The following TMTC2 variants were observed in gnomAD, a reference collection of about 807,000 sequenced individuals.
The protein encoded by TMTC2 is protein O-mannosyl-transferase TMTC2.
TMTC2 carries 43 observed loss-of-function variants against 82.4 expected under a neutral mutation model. The ratio of observed to expected loss-of-function variants is 0.52; its 90% CI spans 0.41 to 0.67. The LOEUF is 0.67. Among genes scored for constraint, TMTC2 ranks in the 30% least tolerant of loss-of-function variants. The pLI is 0.00. For synonymous variants in TMTC2, 408 were observed against 381.9 expected, an observed-to-expected ratio of 1.07 and a Z score of -0.80; for missense variants, 919 against 1,012.4, an observed-to-expected ratio of 0.91 and a Z score of 1.25.
At chr12:82,907,164 C>T (rs1874361023) in intron 3 of TMTC2, among the ~76,000 whole-genome samples, 2 of 151,880 alleles carry the variant, frequency 1.3e-5, no homozygotes, top group Non-Finnish European at 1.5e-5. Context: ...AGTTCAGACG[C>T]CTTTAAGAAT....
chr12:82,984,733 T>A (rs1198601550), intron 7 of TMTC2, among the ~76,000 whole-genome samples: 1 of 152,134 alleles, frequency 6.6e-6, no homozygotes, highest in African/African-American at 2.4e-5. Context: ...ATATAAATTA[T>A]CTTAAATACA....
At chr12:83,063,006 A>G (rs1053311285) in intron 11 of TMTC2, among the ~76,000 whole-genome samples, 7 of 151,884 alleles carry the variant, frequency 4.6e-5, no homozygotes, top group African/African-American at 1.7e-4. Context: ...GAGATTAACA[A>G]TAGAAAAGCA....
chr12:82,905,741 T>TC (rs1156736457), intron 3 of TMTC2, among the ~76,000 whole-genome samples: 1 of 152,072 alleles, frequency 6.6e-6, no homozygotes, highest in Non-Finnish European at 1.5e-5. Flanking sequence ...GGTCAGGAGT[T>TC]CAAGACCATT....
At chr12:82,843,537 G>A (rs1206239744) in intron 1 of TMTC2, among the ~76,000 whole-genome samples, 2 of 152,188 alleles carry the variant, frequency 1.3e-5, no homozygotes, top group Admixed American at 6.5e-5. Flanking sequence ...TACCTGTGAG[G>A]GATAGATTGG....
At chr12:82,690,956 T>C (rs987894350) in intron 1 of TMTC2, among the ~76,000 whole-genome samples, 1 of 152,178 alleles carries the variant, frequency 6.6e-6, no homozygotes, top group Non-Finnish European at 1.5e-5. Context: ...TTAATAATAC[T>C]GTTATGAGTT....
intron 11 of TMTC2, among the ~76,000 whole-genome samples, chr12:83,104,469 C>T (rs886695026): frequency 2.1e-4 from 32 of 152,228 alleles, no homozygotes; most frequent in African/African-American, 7.5e-4. Flanking sequence ...CTGAACTCTG[C>T]TTCCCTGCAG....
chr12:82,792,600 G>A (rs1315686194), intron 1 of TMTC2, among the ~76,000 whole-genome samples: 1 of 151,984 alleles, frequency 6.6e-6, no homozygotes, highest in Non-Finnish European at 1.5e-5. Context: ...CTGAGTAGCT[G>A]GGACAACAGA....
intron 8 of TMTC2, among the ~76,000 whole-genome samples, chr12:82,987,916 C>G (rs901478129): frequency 7.2e-5 from 11 of 152,082 alleles, no homozygotes; most frequent in African/African-American, 2.7e-4. Flanking sequence ...CCTGTCCTTT[C>G]TTTACCAAGC....
chr12:83,073,434 A>T (rs564785165), intron 11 of TMTC2, among the ~76,000 whole-genome samples: 105 of 152,280 alleles, frequency 6.9e-4, no homozygotes, highest in African/African-American at 2.5e-3. Flanking sequence ...TTAACTTTGG[A>T]TAACCTGATG....
rs1356207642 is a variant in TMTC2 at position 83,108,898 on chromosome 12, GA to G, written c.2332-23309del. ...AGTTTATTCTTATTAATATGTTAAT[GA>G]AATTGTATTATTTTCTTCCTTGGTA... is the stretch of plus-strand genomic sequence containing the variant. On this transcript the variant is annotated intron_variant, in intron 11 of 11. Coordinates refer to ENST00000321196, the MANE Select transcript of TMTC2 (RefSeq NM_152588.3). Among the ~76,000 whole-genome samples the G allele has an allele frequency of 1.4e-4, 22 of 152,182 alleles. No homozygotes were observed. The East Asian group carries it at 3.9e-3, about 27-fold the overall frequency.
intron 7 of TMTC2, among the ~76,000 whole-genome samples, chr12:82,969,512 C>A: frequency 6.6e-6 from 1 of 152,156 alleles, no homozygotes; most frequent in Non-Finnish European, 1.5e-5. Context: ...ACTAAATTCA[C>A]TGCAGTTGCT....
chr12:82,796,187 G>A (rs1224607990), intron 1 of TMTC2, among the ~76,000 whole-genome samples: 4 of 152,108 alleles, frequency 2.6e-5, no homozygotes. Context: ...GAGACTATTT[G>A]TAGCCGGGAC....
intron 8 of TMTC2, among the ~76,000 whole-genome samples, chr12:82,989,232 G>C (rs1404715778): frequency 6.6e-6 from 1 of 151,896 alleles, no homozygotes; most frequent in Non-Finnish European, 1.5e-5. Context: ...GGACATAAAA[G>C]AATGTAAAAG....
At chr12:82,941,895 C>T (rs1351889143) in intron 4 of TMTC2, among the ~76,000 whole-genome samples, 4 of 151,992 alleles carry the variant, frequency 2.6e-5, no homozygotes, top group African/African-American at 9.7e-5. Context: ...TACAGATGTG[C>T]GACACCATGC....
At position 82,895,147 on chromosome 12, in the gene TMTC2, C is replaced by G. The variant is rs377509456; in HGVS notation, c.655-671C>G. Among the ~76,000 whole-genome samples, 12 of 151,960 alleles carry G rather than the reference C, an allele frequency of 7.9e-5. 2 individuals are homozygous for G. Among genetic ancestry groups the G allele is most frequent in the African/African-American group, 2.9e-4 (12 of 41,444 alleles). On this transcript the variant is annotated intron_variant, in intron 2 of 11. Coordinates refer to ENST00000321196, the MANE Select transcript of TMTC2 (RefSeq NM_152588.3). ...TAATTTTATTTTTAAAAGCTGTCAT[C>G]AACATGAAAAATTTGGGATTCATGA...
In TMTC2 at chr12:82,937,730, A is replaced by ATGTG. The variant is rs1479455766; in HGVS notation, c.1598+7203_1598+7206dup. ...TGTGTGTGTGTGTGTGTGTGTGTGG[A>ATGTG]TGTGTGTGTGTGTGTGTGTGTATAT... is the stretch of plus-strand genomic sequence containing the variant. On this transcript the variant is annotated intron_variant, in intron 4 of 11. Transcript: ENST00000321196. Among the ~76,000 whole-genome samples, 38 of 26,472 alleles carry ATGTG rather than the reference A, an allele frequency of 1.4e-3. 1 individual carries two copies. Among genetic ancestry groups the ATGTG allele is most frequent in the East Asian group, 6.1e-3 (1 of 164 alleles). 17.4% of individuals were successfully genotyped at this position (26,472 alleles called of 152,430 possible).
At position 82,932,775 on chromosome 12, in the gene TMTC2, G is replaced by T. The variant is rs181467392; in HGVS notation, c.1598+2230G>T. Among the ~76,000 whole-genome samples, 19 of 152,236 alleles carry T rather than the reference G, an allele frequency of 1.2e-4. No individual in the cohort carries two copies. The East Asian group carries it at 3.7e-3, about 29-fold the overall frequency. The stretch of plus-strand genomic sequence containing the variant: ...ACAATGAACACCTCTTCATTGAAAT[G>T]TTTCTCTCTGTCTTATCCAATAGTC... On this transcript the variant is annotated intron_variant, in intron 4 of 11. Transcript: ENST00000321196.
intron 1 of TMTC2, among the ~76,000 whole-genome samples, chr12:82,773,987 G>T (rs77043031): frequency 0.12 from 17,739 of 152,006 alleles, 1,111 homozygotes; most frequent in Middle Eastern, 0.21. Flanking sequence ...ATTTGATGTA[G>T]TTTAGAATTG....
intron 1 of TMTC2, among the ~76,000 whole-genome samples, chr12:82,803,121 GA>G (rs1372061337): frequency 6.6e-6 from 1 of 152,136 alleles, no homozygotes; most frequent in Non-Finnish European, 1.5e-5. Flanking sequence ...AAGAATACAA[GA>G]GGATGTTAAA....
Sources: allele counts gnomAD v4.1 joint callset (sites outside exome capture counted in the v4.1 genomes callset), GRCh38; gene constraint gnomAD v4.1.1; transcripts MANE v1.5; gene names NCBI Gene and HGNC (gene_info 2026-07-23, HGNC 2026-07-21).